Variants in CD164 observed in about 807,000 individuals in gnomAD.
The protein encoded by CD164 is CD164 molecule.
A neutral mutation model predicts 24.6 loss-of-function variants in CD164; 11 were observed. The ratio of observed to expected loss-of-function variants is 0.45; its 90% confidence interval spans 0.28 to 0.74. The LOEUF (loss-of-function observed/expected upper bound fraction) is 0.74. Ranked by LOEUF, CD164 falls within the 30% of genes least tolerant of loss-of-function variation. The pLI is 0.13. For missense variants in CD164, 295 were observed against 243.7 expected, an observed-to-expected ratio of 1.21 and a Z score of -1.40; for synonymous variants, 126 against 100.3, an observed-to-expected ratio of 1.26 and a Z score of -1.53.
Position 109,368,640 on chromosome 6 carries a change from C to A in CD164, c.*211G>T. ...TTTAAAATAAGACAGCCACAGGATT[C>A]ATGCAGAATATTTTAAATATTCCTG... On this transcript the variant is annotated 3_prime_UTR_variant, in exon 6 of 6. Transcript: ENST00000310786. 1 of 1,363,446 alleles carries A rather than the reference C, an allele frequency of 7.3e-7. No individual in the cohort carries two copies. The highest frequency in any genetic ancestry group is 9.4e-7 in the Non-Finnish European group (1 of 1,064,292). The allele number at this position is 1,363,446 out of a possible 1,614,324, so 84.5% of individuals were successfully genotyped here.
intron 4 of CD164, chr6:109,372,205 TCTA>T (rs1439623397): frequency 6.6e-6 from 1 of 152,118 alleles, no homozygotes; most frequent in South Asian, 2.1e-4. Flanking sequence ...CCTCCCAAAT[TCTA>T]CTAATATAAA....
chr6:109,370,321 G>A (rs1379321757), intron 5 of CD164, 90 bp downstream of exon 5: 18 of 1,063,284 alleles, frequency 1.7e-5, no homozygotes, highest in African/African-American at 3.2e-5. Context: ...AACCATTAAC[G>A]AAGAAAGCTG....
In CD164 at chr6:109,368,369, C is replaced by A. The variant is rs558401596; in HGVS notation, c.*482G>T. 174 of 1,521,698 alleles carry A rather than the reference C, an allele frequency of 1.1e-4. No individual in the cohort carries two copies. The highest frequency in any genetic ancestry group is 1.4e-4 in the Non-Finnish European group (164 of 1,135,222). The allele number at this position is 1,521,698 out of a possible 1,614,324, so 94.3% of individuals were successfully genotyped here. A position where few individuals can be genotyped will look rare whatever the true frequency, so the allele number is the denominator to read the frequency against. On this transcript the variant is annotated 3_prime_UTR_variant, in exon 6 of 6. Coordinates refer to ENST00000310786, the MANE Select transcript of CD164 (RefSeq NM_006016.6). ...CTGTTATCAAGCACAAAATTTTAAT[C>A]TAAGGATACCATTTAGTACTACTAA...
chr6:109,370,517 C>T (rs1346311528), intron 4 of CD164, 50 bp from the exon 5 acceptor site: 1 of 1,484,498 alleles, frequency 6.7e-7, no homozygotes, highest in Admixed American at 1.8e-5. Context: ...TTTCTAGCTT[C>T]CCAGTTATCT....
rs1159271700 is a variant in CD164 at position 109,366,845 on chromosome 6, C to T, written c.*2006G>A. 6.6e-6 allele frequency: 1 copy of T among 151,650 alleles called. No individual in the cohort carries two copies. Among genetic ancestry groups the T allele is most frequent in the African/African-American group, 2.5e-5 (1 of 40,730 alleles). The allele number at this position is 151,650 out of a possible 1,614,324, so 9.4% of individuals were successfully genotyped here. ...GAGCTCATTTGTAGACTTGCAAAAT[C>T]TAACTAATTTTATATTATGCTTGTT... On this transcript the variant is annotated 3_prime_UTR_variant, in exon 6 of 6. Transcript: ENST00000310786.
At position 109,382,245 on chromosome 6, in the gene CD164, GC is replaced by G; in HGVS notation, c.133del (p.Ala45ArgfsTer3). The G allele has an allele frequency of 6.3e-7, 1 of 1,586,132 alleles. No homozygotes were observed. Among genetic ancestry groups the G allele is most frequent in the Non-Finnish European group, 8.6e-7 (1 of 1,169,534 alleles). ...GACCAGCGGGAGGGACGTCACCGGC[GC>G]CGAGGTTACGTTGGAGATGGGCGCT... is the stretch of plus-strand genomic sequence containing the variant. The part of the protein sequence containing the change: ...TLAPISNVTS[A>X]PVTSLPLVTT... On this transcript the variant is annotated frameshift_variant, in exon 1 of 6. Transcript: ENST00000310786. LOFTEE classifies it high-confidence loss of function.
chr6:109,368,532 CACAAG>C lies in CD164; in HGVS notation c.*314_*318del. The C allele has an allele frequency of 2.2e-6, 3 of 1,347,052 alleles. No homozygotes were observed. The highest frequency in any genetic ancestry group is 2.8e-6 in the Non-Finnish European group (3 of 1,055,270). 83.4% of individuals were successfully genotyped at this position (1,347,052 alleles called of 1,614,324 possible). ...CTGCCAAGAGCCATGATGTTGTCTG[CACAAG>C]ACAACATTTTCCATCACTTTCAGAA... On this transcript the variant is annotated 3_prime_UTR_variant, in exon 6 of 6. Transcript: ENST00000310786.
intron 1 of CD164, chr6:109,381,900 C>A: frequency 2.1e-6 from 1 of 465,158 alleles, no homozygotes; most frequent in East Asian, 3.7e-5. Context: ...ATTTCCGACC[C>A]CAAGTGAGGC....
intron 1 of CD164, chr6:109,380,393 A>G (rs1489283960): frequency 1.3e-5 from 2 of 152,234 alleles, no homozygotes; most frequent in Non-Finnish European, 2.9e-5. Flanking sequence ...GCAGCAAAAT[A>G]AAAGAAAAAA....
chr6:109,376,902 A>G (rs1021323331), intron 3 of CD164, among the ~76,000 whole-genome samples: 4 of 152,198 alleles, frequency 2.6e-5, no homozygotes, highest in African/African-American at 9.7e-5. Context: ...CTGGGAAGCC[A>G]AAGTGGGAAG....
rs757094794 is a variant in CD164, at chr6:109,370,417, T to G, written c.421A>C (p.Thr141Pro). The G allele has an allele frequency of 6.2e-7, 1 of 1,611,710 alleles. No individual in the cohort carries two copies. Residue 141 changes from threonine to proline, a missense_variant, in exon 5 of 6, where the codon ACA (threonine) becomes CCA (proline). By Grantham distance (38) the Thr-to-Pro change is conservative. Transcript: ENST00000310786. ...TCTAAAAAGCCTCAATTACCTGATG[T>G]AGTAACTGTCTTGGAAGTTGTAGAA... ...SPSTTSKTVT[T>P]SGTTNNTVTP...
intron 4 of CD164, among the ~76,000 whole-genome samples, chr6:109,373,042 G>C (rs1316831959): frequency 6.6e-6 from 1 of 151,476 alleles, no homozygotes; most frequent in African/African-American, 2.4e-5. Flanking sequence ...CATTAGGAAA[G>C]GTTAAAAAAA....
At position 109,367,123 on chromosome 6, in the gene CD164, T is replaced by C. The variant is rs1009999349; in HGVS notation, c.*1728A>G. ...TGTGAGGTACCTAGAATATTACTAA[T>C]GGAAACAAAAAATGTGAGGTAAACC... is the stretch of plus-strand genomic sequence containing the variant. On this transcript the variant is annotated 3_prime_UTR_variant, in exon 6 of 6. Coordinates refer to ENST00000310786, the MANE Select transcript of CD164 (RefSeq NM_006016.6). 3 of 152,642 alleles carry C rather than the reference T, an allele frequency of 2.0e-5. No homozygotes were observed. In the South Asian group the frequency reaches 6.2e-4, roughly 32 times the overall value. The allele number at this position is 152,642 out of a possible 1,614,324, so 9.5% of individuals were successfully genotyped here. A position where few individuals can be genotyped will look rare whatever the true frequency, so the allele number is the denominator to read the frequency against.
rs529908637 is a variant in CD164 at position 109,366,562 on chromosome 6, T to C, written c.*2289A>G. 4.6e-5 allele frequency: 7 copies of C among 152,698 alleles called. No homozygotes were observed. In the South Asian group the frequency reaches 1.5e-3, roughly 32 times the overall value. 9.5% of individuals were successfully genotyped at this position (152,698 alleles called of 1,614,324 possible). On this transcript the variant is annotated 3_prime_UTR_variant, in exon 6 of 6. Transcript: ENST00000310786. ...TATTTTAAGTCAGTTTGGTACATGA[T>C]ACAGATTGGTTTTGCAGTTTTTAAT...
chr6:109,374,192 A>G (rs1423377709), intron 4 of CD164, among the ~76,000 whole-genome samples: 3 of 152,080 alleles, frequency 2.0e-5, no homozygotes, highest in Non-Finnish European at 4.4e-5. Context: ...ATGCTCCTCC[A>G]GTGCCTCTAC....
chr6:109,376,078 A>G lies in CD164; in HGVS notation c.366T>C (p.Ser122=). ...STATPVPTAN[S]TAKPTVQPSP... is the part of the protein sequence containing the mutation. Reference sequence around the variant, plus strand: ...AAAACAGTCATCTTGAATTACCTGTAGAATTGGCTGTTGGCACTGGAGTGG... The same window carrying G: ...AAAACAGTCATCTTGAATTACCTGTGGAATTGGCTGTTGGCACTGGAGTGG... The change falls in exon 4 of 6, where the codon TCT becomes TCC. Residue 122 remains serine (S), a synonymous_variant. Transcript: ENST00000310786. 1.3e-6 allele frequency: 2 copies of G among 1,571,972 alleles called. No individual in the cohort carries two copies. The highest frequency in any genetic ancestry group is 1.7e-6 in the Non-Finnish European group (2 of 1,169,196).
chr6:109,378,310 G>A (rs984466828), intron 2 of CD164, among the ~76,000 whole-genome samples: 2 of 152,182 alleles, frequency 1.3e-5, no homozygotes, highest in African/African-American at 2.4e-5. Flanking sequence ...AAAGTGGGCA[G>A]GTGGCTCACG....
chr6:109,372,378 T>A (rs997062605), intron 4 of CD164: 7 of 152,154 alleles, frequency 4.6e-5, no homozygotes, highest in African/African-American at 1.7e-4. Context: ...GTTGACTGAA[T>A]CCTAGGAAAC....
rs1292003154 is a variant in CD164, at chr6:109,368,947, G to A, written c.498C>T (p.Phe166=). 5.6e-6 allele frequency: 9 copies of A among 1,613,920 alleles called. No homozygotes were observed. The highest frequency in any genetic ancestry group is 2.5e-6 in the Non-Finnish European group (3 of 1,179,884). Residue 166 remains phenylalanine, a synonymous_variant, in exon 6 of 6, where the codon TTC becomes TTT. Transcript: ENST00000310786. ...CCAAGACCAGGACAATTCCTCCAAT[G>A]AAACTGGCTGCATCAAAGGTAGACT... ...VRKSTFDAAS[F]IGGIVLVLGV... is the part of the protein sequence containing the mutation.
Sources: gnomAD v4.1 joint callset for allele counts (sites outside exome capture counted in the v4.1 genomes callset) on GRCh38, gnomAD v4.1.1 for gene constraint, MANE v1.5 for transcripts, NCBI Gene and HGNC (gene_info 2026-07-23, HGNC 2026-07-21) for gene names.